Variants in KIF21A observed in about 807,000 individuals in gnomAD.
The protein encoded by KIF21A is kinesin-like protein KIF21A.
In KIF21A, 114 loss-of-function variants were observed where a neutral mutation model predicts 202.9. The ratio of observed to expected loss-of-function variants is 0.56; its 90% CI spans 0.48 to 0.66. The LOEUF (loss-of-function observed/expected upper bound fraction) is 0.66. Ranked by LOEUF, KIF21A falls within the 30% of genes least tolerant of loss-of-function variation. The pLI is 0.00. For missense variants in KIF21A, 1,677 were observed against 1,994.9 expected (o/e 0.84, Z 3.04); for synonymous variants, 667 against 670.8 (o/e 0.99, Z 0.09).
At chr12:39,426,343 ACTCATATCC>A (rs1954750132) in intron 1 of KIF21A, among the ~76,000 whole-genome samples, 1 of 152,218 alleles carries the variant, frequency 6.6e-6, no homozygotes, top group Non-Finnish European at 1.5e-5. Flanking sequence ...GTATGCGTGT[ACTCATATCC>A]TTGTATGTGT....
chr12:39,440,041 T>C (rs1939349591), intron 1 of KIF21A, among the ~76,000 whole-genome samples: 1 of 152,232 alleles, frequency 6.6e-6, no homozygotes, highest in Non-Finnish European at 1.5e-5. Context: ...TGTATTGATT[T>C]ATTTATTCTG....
At chr12:39,410,431 CA>C (rs1432512230) in intron 1 of KIF21A, among the ~76,000 whole-genome samples, 1 of 151,994 alleles carries the variant, frequency 6.6e-6, no homozygotes, top group Non-Finnish European at 1.5e-5. Context: ...ATCTAAAAAG[CA>C]AAATTTGACA....
chr12:39,425,031 T>C (rs570780843), intron 1 of KIF21A, among the ~76,000 whole-genome samples: 1 of 152,180 alleles, frequency 6.6e-6, no homozygotes, highest in Non-Finnish European at 1.5e-5. Context: ...CTGGCTATAC[T>C]GTCCTTCTCA....
At chr12:39,387,467 C>A (rs1467212133) in intron 1 of KIF21A, among the ~76,000 whole-genome samples, 1 of 152,170 alleles carries the variant, frequency 6.6e-6, no homozygotes, top group Admixed American at 6.5e-5. Context: ...TAACAAAGAT[C>A]TTTTTCTACT....
At chr12:39,409,243 G>A (rs1952871499) in intron 1 of KIF21A, among the ~76,000 whole-genome samples, 1 of 151,894 alleles carries the variant, frequency 6.6e-6, no homozygotes, top group African/African-American at 2.4e-5. Flanking sequence ...GAAAGAGCCA[G>A]GTTTGGTGGT....
At chr12:39,341,337 G>A (rs1279375147) in intron 14 of KIF21A, among the ~76,000 whole-genome samples, 168 bp downstream of exon 14, 2 of 152,118 alleles carry the variant, frequency 1.3e-5, no homozygotes, top group Non-Finnish European at 2.9e-5. Flanking sequence ...AATCCAGTAA[G>A]AGAAGTAACT....
In KIF21A at chr12:39,311,465, C is replaced by A; in HGVS notation, c.4048G>T (p.Val1350Leu). ...TCATCAGTAGAATCCACACAGAGCACAGCTTTTGTATGCCCTTCAGCTATG... is the reference window on the plus strand; with the variant it reads ...TCATCAGTAGAATCCACACAGAGCAAAGCTTTTGTATGCCCTTCAGCTATG... Reference protein sequence around the residue: ...IHIAEGHTKAVLCVDSTDDLL... With the variant: ...IHIAEGHTKALLCVDSTDDLL... Residue 1350 changes from valine (V) to leucine (L), a missense_variant, in exon 32 of 38, where the codon GTG (valine) becomes TTG (leucine). Val to Leu is a conservative substitution (Grantham distance 32). Transcript: ENST00000361418. The A allele has an allele frequency of 8.1e-6, 13 of 1,613,172 alleles. No homozygotes were observed. Among genetic ancestry groups the A allele is most frequent in the Non-Finnish European group, 1.0e-5 (12 of 1,179,262 alleles).
rs1944018872 is a variant in KIF21A at position 39,311,406 on chromosome 12, A to C, written c.4096+11T>G. On this transcript the variant is annotated intron_variant, in intron 32 of 37. Coordinates refer to ENST00000361418, the MANE Select transcript of KIF21A (RefSeq NM_001173464.2). ...AGCTATTAAATATCTGCATTAGATA[A>C]CTACTAGCACCTTTTGATCCAGTGA... 1 of 1,611,152 alleles carries C rather than the reference A, an allele frequency of 6.2e-7. No individual in the cohort carries two copies. Among genetic ancestry groups the C allele is most frequent in the Non-Finnish European group, 8.5e-7 (1 of 1,177,992 alleles).
In KIF21A at chr12:39,356,879, C is replaced by A. The variant is rs1948814189; in HGVS notation, c.1422G>T (p.Glu474Asp). The A allele has an allele frequency of 1.5e-6, 2 of 1,302,776 alleles. No homozygotes were observed. The highest frequency in any genetic ancestry group is 1.5e-5 in the African/African-American group (1 of 68,722). 80.7% of individuals were successfully genotyped at this position (1,302,776 alleles called of 1,614,324 possible). Residue 474 changes from glutamate (E) to aspartate (D), a missense_variant, in exon 10 of 38, where the codon GAG (glutamate) becomes GAT (aspartate). Around this residue, in one of 3 missense-constraint regions of KIF21A, gnomAD observed 966 missense variants for 1,180.9 expected, o/e 0.82. Coordinates refer to ENST00000361418, the MANE Select transcript of KIF21A (RefSeq NM_001173464.2). ...VLARAGEGNE[E>D]ISNMIHSYIK... ...TATAACTATGAATCATATTACTAAT[C>A]TCCTCATTTCCTTCACCTGAAAGAC...
intron 16 of KIF21A, 25 bp from the exon 17 acceptor site, chr12:39,337,228 A>C: frequency 2.1e-6 from 3 of 1,397,892 alleles, no homozygotes; most frequent in Non-Finnish European, 3.0e-6. Flanking sequence ...ATAGACATCT[A>C]TTGAAATTAC....
At chr12:39,434,980 T>A (rs1232595728) in intron 1 of KIF21A, among the ~76,000 whole-genome samples, 1 of 152,198 alleles carries the variant, frequency 6.6e-6, no homozygotes, top group Non-Finnish European at 1.5e-5. Flanking sequence ...TATGATATTA[T>A]CAGGCCTACG....
At chr12:39,427,929 G>A (rs1196869650) in intron 1 of KIF21A, among the ~76,000 whole-genome samples, 1 of 152,242 alleles carries the variant, frequency 6.6e-6, no homozygotes, top group Non-Finnish European at 1.5e-5. Context: ...AAAGTGCTGA[G>A]ATTACAAGCA....
chr12:39,387,245 C>A (rs1489417227), intron 1 of KIF21A, among the ~76,000 whole-genome samples: 1 of 151,330 alleles, frequency 6.6e-6, no homozygotes, highest in African/African-American at 2.4e-5. Flanking sequence ...AACTCAAAGA[C>A]AACCTCTCAG....
At chr12:39,352,140 A>T (rs1412651668) in intron 10 of KIF21A, among the ~76,000 whole-genome samples, 160 bp from the exon 11 acceptor site, 1 of 151,976 alleles carries the variant, frequency 6.6e-6, no homozygotes, top group Admixed American at 6.6e-5. Flanking sequence ...ATCTCCAGAA[A>T]TTTTTTATCT....
intron 4 of KIF21A, 23 bp from the exon 5 acceptor site, chr12:39,367,187 G>T (rs767580902): frequency 7.4e-6 from 12 of 1,613,186 alleles, no homozygotes; most frequent in Non-Finnish European, 1.0e-5. Flanking sequence ...AAGAAACAAG[G>T]ACTTTACTTG....
intron 1 of KIF21A, among the ~76,000 whole-genome samples, chr12:39,390,659 A>G (rs1027022808): frequency 2.0e-5 from 3 of 152,156 alleles, no homozygotes; most frequent in Non-Finnish European, 4.4e-5. Flanking sequence ...AAGATATTCA[A>G]CAAAAACTAC....
chr12:39,411,796 C>A (rs1241951318), intron 1 of KIF21A, among the ~76,000 whole-genome samples: 1 of 152,126 alleles, frequency 6.6e-6, no homozygotes, highest in African/African-American at 2.4e-5. Context: ...TTCGGCTTCT[C>A]GAAGTGCTGG....
intron 1 of KIF21A, among the ~76,000 whole-genome samples, chr12:39,384,216 T>G (rs957059943): frequency 6.6e-6 from 1 of 152,046 alleles, no homozygotes; most frequent in African/African-American, 2.4e-5. Flanking sequence ...ACTCATGGAG[T>G]TTTTTTACTT....
intron 1 of KIF21A, among the ~76,000 whole-genome samples, chr12:39,400,626 C>T (rs1952099448): frequency 6.6e-6 from 1 of 152,260 alleles, no homozygotes; most frequent in Non-Finnish European, 1.5e-5. Flanking sequence ...GGTACACATA[C>T]ACCATAGAAT....
Sources: gnomAD v4.1 joint callset for allele counts (sites outside exome capture counted in the v4.1 genomes callset) on GRCh38, gnomAD v4.1.1 for gene constraint, gnomAD v4.1.1 regional missense constraint, MANE v1.5 for transcripts, NCBI Gene and HGNC (gene_info 2026-07-23, HGNC 2026-07-21) for gene names.